The following SLC4A10 variants were observed in gnomAD, a reference collection of about 807,000 sequenced individuals.
SLC4A10 encodes sodium-driven chloride bicarbonate exchanger.
Under a neutral mutation model 137.7 loss-of-function variants are expected in SLC4A10, and 42 were observed. That is an observed-to-expected ratio of 0.30 (90% CI 0.24 to 0.39). The LOEUF is 0.39. Ranked by LOEUF, SLC4A10 falls within the 10% of genes least tolerant of loss-of-function variation. The pLI is 1.00. For synonymous variants in SLC4A10, 474 were observed against 464.1 expected, an observed-to-expected ratio of 1.02 and a Z score of -0.27; for missense variants, 925 against 1,355.0, an observed-to-expected ratio of 0.68 and a Z score of 4.98.
At chr2:161,951,300 T>C (rs763900540) in intron 19 of SLC4A10, among the ~76,000 whole-genome samples, 7 of 152,186 alleles carry the variant, frequency 4.6e-5, no homozygotes, top group Non-Finnish European at 8.8e-5. Flanking sequence ...TCTGTCTGCC[T>C]GTAACAACAA....
rs753157123 is a variant in SLC4A10, at chr2:161,950,863, C to A, written c.2541+15C>A. On this transcript the variant is annotated intron_variant, in intron 19 of 26. Transcript: ENST00000446997. ...ATAAGCTAAAGGTATATTTTAACAT[C>A]CATTTTAATGTAAATAATTATGACA... 3.2e-6 allele frequency: 5 copies of A among 1,566,300 alleles called. No individual in the cohort carries two copies. The highest frequency in any genetic ancestry group is 1.4e-5 in the African/African-American group (1 of 73,614).
intron 26 of SLC4A10, 138 bp downstream of exon 26, chr2:161,977,898 C>A: frequency 3.2e-6 from 2 of 624,834 alleles, no homozygotes; most frequent in East Asian, 3.0e-5. Context: ...GGGCTCAGAT[C>A]CAGTAGCAGA....
intron 6 of SLC4A10, among the ~76,000 whole-genome samples, chr2:161,870,495 TGA>T: frequency 6.6e-6 from 1 of 151,950 alleles, no homozygotes; most frequent in East Asian, 1.9e-4. Context: ...ATCCATGACT[TGA>T]GTTTCACCAC....
At chr2:161,793,643 G>T (rs2054450587) in intron 2 of SLC4A10, among the ~76,000 whole-genome samples, 1 of 152,020 alleles carries the variant, frequency 6.6e-6, no homozygotes, top group African/African-American at 2.4e-5. Flanking sequence ...CAGGTGGGAA[G>T]ATAATAAAAG....
At chr2:161,863,135 T>C in intron 6 of SLC4A10, 73 bp downstream of exon 6, 1 of 1,319,956 alleles carries the variant, frequency 7.6e-7, no homozygotes, top group Non-Finnish European at 1.0e-6. Context: ...CTAAATCTTT[T>C]AAAACTTGTT....
chr2:161,944,635 G>T (rs941466199), intron 16 of SLC4A10, among the ~76,000 whole-genome samples: 2 of 151,450 alleles, frequency 1.3e-5, no homozygotes, highest in African/African-American at 2.4e-5. Context: ...TGTACTAGGT[G>T]TTAACATTTG....
At chr2:161,736,788 A>T (rs1027656554) in intron 1 of SLC4A10, among the ~76,000 whole-genome samples, 1 of 152,078 alleles carries the variant, frequency 6.6e-6, no homozygotes, top group African/African-American at 2.4e-5. Context: ...AATTTAAAAC[A>T]ATTGTAAGAG....
At chr2:161,854,848 C>A in intron 4 of SLC4A10, 122 bp from the exon 5 acceptor site, 1 of 970,224 alleles carries the variant, frequency 1.0e-6, no homozygotes, top group Non-Finnish European at 1.4e-6. Context: ...TTATATACTT[C>A]CAAAACCTAT....
chr2:161,939,588 A>G (rs1286675722), intron 15 of SLC4A10, among the ~76,000 whole-genome samples: 1 of 152,096 alleles, frequency 6.6e-6, no homozygotes, highest in African/African-American at 2.4e-5. Flanking sequence ...GAGATGAATA[A>G]TTCTCACCTT....
chr2:161,965,318 G>GA, intron 23 of SLC4A10, 145 bp downstream of exon 23: 2 of 752,984 alleles, frequency 2.7e-6, no homozygotes, highest in Non-Finnish European at 3.9e-6. Flanking sequence ...TAGTTTGGAA[G>GA]TTTAATGTTT....
chr2:161,801,317 A>G (rs891703384), intron 2 of SLC4A10, among the ~76,000 whole-genome samples: 1 of 151,734 alleles, frequency 6.6e-6, no homozygotes, highest in Non-Finnish European at 1.5e-5. Flanking sequence ...GTCTCTTTAT[A>G]TCCTACTTAC....
intron 1 of SLC4A10, among the ~76,000 whole-genome samples, chr2:161,641,060 A>G (rs1436062449): frequency 6.6e-6 from 1 of 152,116 alleles, no homozygotes; most frequent in Non-Finnish European, 1.5e-5. Context: ...TTTTTGAATA[A>G]TGAATGAAAT....
intron 3 of SLC4A10, among the ~76,000 whole-genome samples, chr2:161,805,184 A>G (rs1013323625): frequency 6.6e-6 from 1 of 152,124 alleles, no homozygotes; most frequent in African/African-American, 2.4e-5. Flanking sequence ...TAACTATCAG[A>G]TCTCATGAGA....
rs1233147453 is a variant in SLC4A10 at position 161,983,869 on chromosome 2, T to C, written c.*717T>C. 1 of 152,230 alleles carries C rather than the reference T, an allele frequency of 6.6e-6. No homozygotes were observed. Among genetic ancestry groups the C allele is most frequent in the Non-Finnish European group, 1.5e-5 (1 of 68,034 alleles). 9.4% of individuals were successfully genotyped at this position (152,230 alleles called of 1,614,324 possible). A position where few individuals can be genotyped will look rare whatever the true frequency, so the allele number is the denominator to read the frequency against. On this transcript the variant is annotated 3_prime_UTR_variant, in exon 27 of 27. Coordinates refer to ENST00000446997, the MANE Select transcript of SLC4A10 (RefSeq NM_001178015.2). ...ACATAATGCAGAGTTAAGTAGTATT[T>C]GCTTAAAATTCAAGTTGTGACTAAT...
chr2:161,640,279 T>A (rs2035082560), intron 1 of SLC4A10, among the ~76,000 whole-genome samples: 1 of 152,118 alleles, frequency 6.6e-6, no homozygotes. Context: ...CATGCTTCCA[T>A]CCTTTTGTGA....
intron 10 of SLC4A10, among the ~76,000 whole-genome samples, chr2:161,888,634 G>C (rs1463809221): frequency 6.6e-6 from 1 of 152,194 alleles, no homozygotes; most frequent in Non-Finnish European, 1.5e-5. Context: ...TTTGCACTTT[G>C]ATTTTCTATC....
chr2:161,828,106 T>C (rs1187648556), intron 3 of SLC4A10, among the ~76,000 whole-genome samples: 1 of 152,188 alleles, frequency 6.6e-6, no homozygotes. Context: ...ATTCCTGTCT[T>C]GCAACCAAGT....
intron 9 of SLC4A10, among the ~76,000 whole-genome samples, chr2:161,880,250 C>T (rs985704933): frequency 6.6e-6 from 1 of 152,144 alleles, no homozygotes; most frequent in Non-Finnish European, 1.5e-5. Flanking sequence ...CTCTTCCAAA[C>T]ATTGAATACC....
chr2:161,627,102 A>G (rs1419888129), intron 1 of SLC4A10, among the ~76,000 whole-genome samples: 1 of 152,170 alleles, frequency 6.6e-6, no homozygotes, highest in Non-Finnish European at 1.5e-5. Flanking sequence ...AATAACTTAT[A>G]TGAAGTTCCT....
Sources: allele counts gnomAD v4.1 joint callset (sites outside exome capture counted in the v4.1 genomes callset), GRCh38; gene constraint gnomAD v4.1.1; transcripts MANE v1.5; gene names NCBI Gene and HGNC (gene_info 2026-07-23, HGNC 2026-07-21).